Variants in EXOC4 observed in about 807,000 individuals in gnomAD.
The protein encoded by EXOC4 is exocyst complex component 4.
Under a neutral mutation model 107.2 loss-of-function variants are expected in EXOC4, and 71 were observed. That is an observed-to-expected ratio of 0.66 (90% CI 0.55 to 0.81). EXOC4 has a LOEUF of 0.81. Among genes scored for constraint, EXOC4 ranks in the 30% least tolerant of loss-of-function variants. The pLI is 0.00. For missense variants in EXOC4, 1,108 were observed against 1,189.6 expected, an observed-to-expected ratio of 0.93 and a Z score of 1.01; for synonymous variants, 456 against 441.2, an observed-to-expected ratio of 1.03 and a Z score of -0.42.
intron 10 of EXOC4, among the ~76,000 whole-genome samples, chr7:133,701,997 C>CTT (rs71162021): frequency 4.1e-4 from 27 of 66,558 alleles, no homozygotes; most frequent in African/African-American, 7.5e-4. Context: ...TTCTTTCTTT[C>CTT]TTTTTTTTTT....
intron 14 of EXOC4, among the ~76,000 whole-genome samples, chr7:133,939,652 A>T (rs940901189): frequency 6.6e-6 from 1 of 152,194 alleles, no homozygotes; most frequent in Non-Finnish European, 1.5e-5. Flanking sequence ...ATGCACCACC[A>T]TGCCCAACTC....
intron 6 of EXOC4, among the ~76,000 whole-genome samples, chr7:133,364,843 G>A (rs1796216254): frequency 6.6e-6 from 1 of 152,190 alleles, no homozygotes; most frequent in South Asian, 2.1e-4. Context: ...AGAGAAATGT[G>A]AAAGCTGAAA....
chr7:133,661,695 A>G (rs1426766877), intron 10 of EXOC4, among the ~76,000 whole-genome samples: 1 of 150,710 alleles, frequency 6.6e-6, no homozygotes, highest in Admixed American at 6.6e-5. Context: ...AAAACAAAAA[A>G]AAAAAAAACA....
intron 10 of EXOC4, among the ~76,000 whole-genome samples, chr7:133,675,286 G>C (rs1453219826): frequency 6.6e-6 from 1 of 152,118 alleles, no homozygotes; most frequent in Non-Finnish European, 1.5e-5. Context: ...CAGGACGTCT[G>C]TGTGGCATTT....
At chr7:133,819,827 C>A (rs796478164) in intron 11 of EXOC4, among the ~76,000 whole-genome samples, 6 of 140,134 alleles carry the variant, frequency 4.3e-5, no homozygotes, top group African/African-American at 1.8e-4. Context: ...TGATAATTTG[C>A]AGCTTCAGTA....
chr7:134,015,174 T>A (rs1319247786), intron 17 of EXOC4, among the ~76,000 whole-genome samples: 1 of 152,166 alleles, frequency 6.6e-6, no homozygotes, highest in Non-Finnish European at 1.5e-5. Flanking sequence ...TATTAAGGCC[T>A]TCTCTCCTGC....
At chr7:133,621,074 C>T (rs1180623905) in intron 9 of EXOC4, among the ~76,000 whole-genome samples, 1 of 152,198 alleles carries the variant, frequency 6.6e-6, no homozygotes, top group African/African-American at 2.4e-5. Context: ...ACATTGGGCA[C>T]TGCTGCTAAT....
Position 133,419,755 on chromosome 7 carries a change from C to T in EXOC4, c.1182+44753C>T, listed in dbSNP as rs78789226. Among the ~76,000 whole-genome samples, 20 of 152,202 alleles carry T rather than the reference C, an allele frequency of 1.3e-4. No homozygotes were observed. In the East Asian group the frequency reaches 3.7e-3, roughly 28 times the overall value. On this transcript the variant is annotated intron_variant, in intron 7 of 17. Transcript: ENST00000253861. The stretch of plus-strand genomic sequence containing the variant: ...TCCCAGGCCCCAATCCAAACCGACT[C>T]TTATTATTTTCCTATGGCTGCCTAC...
chr7:133,263,562 TG>T (rs1356168033), intron 1 of EXOC4, among the ~76,000 whole-genome samples: 1 of 151,692 alleles, frequency 6.6e-6, no homozygotes, highest in Non-Finnish European at 1.5e-5. Flanking sequence ...TTGTATTTTT[TG>T]TAGACAGGGA....
At position 133,968,575 on chromosome 7, in the gene EXOC4, A is replaced by G. The variant is rs546645347; in HGVS notation, c.2207-28917A>G. Among the ~76,000 whole-genome samples the G allele has an allele frequency of 3.4e-4, 52 of 152,102 alleles. No individual in the cohort carries two copies. The South Asian group carries it at 9.5e-3, about 28-fold the overall frequency. On this transcript the variant is annotated intron_variant, in intron 14 of 17. Coordinates refer to ENST00000253861, the MANE Select transcript of EXOC4 (RefSeq NM_021807.4). ...CTCAACATTTGCTTGTCTGTAAAGG[A>G]TTTTATTTCTCCTTCACTTATGAAG...
chr7:133,421,637 A>G (rs1403409352), intron 7 of EXOC4, among the ~76,000 whole-genome samples: 1 of 152,210 alleles, frequency 6.6e-6, no homozygotes, highest in Admixed American at 6.5e-5. Context: ...TTTAAGTTGT[A>G]TAACACATAA....
chr7:134,092,072 TA>T, the EXOC4 span, among the ~76,000 whole-genome samples: 1 of 152,212 alleles, frequency 6.6e-6, no homozygotes, highest in Non-Finnish European at 1.5e-5. Context: ...GGATAAGGGA[TA>T]TGTGACTTTG....
intron 10 of EXOC4, among the ~76,000 whole-genome samples, chr7:133,723,680 G>A (rs1356317554): frequency 2.0e-5 from 3 of 152,090 alleles, no homozygotes; most frequent in Admixed American, 1.3e-4. Context: ...TAGTAGAAAC[G>A]GGGTTTCACT....
chr7:133,636,554 G>T (rs894243664), intron 10 of EXOC4, among the ~76,000 whole-genome samples: 6 of 152,192 alleles, frequency 3.9e-5, no homozygotes, highest in African/African-American at 1.4e-4. Context: ...TTTCTTACAG[G>T]AGAACCAAAG....
At chr7:133,730,131 C>T (rs1795295914) in intron 10 of EXOC4, among the ~76,000 whole-genome samples, 1 of 147,858 alleles carries the variant, frequency 6.8e-6, no homozygotes, top group African/African-American at 2.5e-5. Context: ...TTTCTAATAA[C>T]CACAAATCAA....
At chr7:133,778,353 A>C (rs1419442335) in intron 10 of EXOC4, among the ~76,000 whole-genome samples, 1 of 152,202 alleles carries the variant, frequency 6.6e-6, no homozygotes, top group African/African-American at 2.4e-5. Context: ...GAAGACCAGA[A>C]GAGAGACAGG....
chr7:133,961,792 A>C (rs1800951048), intron 14 of EXOC4, among the ~76,000 whole-genome samples: 1 of 152,222 alleles, frequency 6.6e-6, no homozygotes, highest in African/African-American at 2.4e-5. Context: ...CACAGGCAGG[A>C]CTGGAACCTA....
chr7:133,806,450 G>A (rs1433713414), intron 10 of EXOC4, among the ~76,000 whole-genome samples: 1 of 152,210 alleles, frequency 6.6e-6, no homozygotes, highest in South Asian at 2.1e-4. Flanking sequence ...GGAGCAAGAA[G>A]TCAGGGCTGG....
chr7:133,688,518 A>G (rs1794354882), intron 10 of EXOC4, among the ~76,000 whole-genome samples: 1 of 152,164 alleles, frequency 6.6e-6, no homozygotes, highest in Admixed American at 6.6e-5. Flanking sequence ...GTGCCCAATT[A>G]TATTAGTCAT....
Sources: allele counts gnomAD v4.1 joint callset (sites outside exome capture counted in the v4.1 genomes callset), GRCh38; gene constraint gnomAD v4.1.1; transcripts MANE v1.5; gene names NCBI Gene and HGNC (gene_info 2026-07-23, HGNC 2026-07-21).